MGMT: variants seen among roughly 807,000 people sequenced by gnomAD.
The protein encoded by MGMT is O-6-methylguanine-DNA methyltransferase.
In MGMT, 14 loss-of-function variants were observed where a neutral mutation model predicts 15.9. That is an observed-to-expected ratio of 0.88 (90% CI 0.58 to 1.37). The LOEUF (loss-of-function observed/expected upper bound fraction) is 1.37. Among genes scored for constraint, MGMT ranks in the 40% most tolerant of loss-of-function variants. MGMT has a pLI of 0.00. For missense variants in MGMT, 282 were observed against 268.1 expected, an observed-to-expected ratio of 1.05 and a Z score of -0.36; for synonymous variants, 130 against 118.2, an observed-to-expected ratio of 1.10 and a Z score of -0.65.
chr10:129,695,994 G>A (rs1185631126), intron 2 of MGMT, among the ~76,000 whole-genome samples: 4 of 152,098 alleles, frequency 2.6e-5, no homozygotes, highest in African/African-American at 9.7e-5. Flanking sequence ...TTGTCCTCGC[G>A]GTCTTACGGT....
intron 2 of MGMT, among the ~76,000 whole-genome samples, chr10:129,608,258 G>A (rs1247903561): frequency 1.3e-5 from 2 of 152,222 alleles, no homozygotes; most frequent in South Asian, 2.1e-4. Context: ...AGAAGAATGC[G>A]TAGCCCGGAG....
chr10:129,718,838 G>A (rs1358885295), intron 3 of MGMT, among the ~76,000 whole-genome samples: 1 of 151,952 alleles, frequency 6.6e-6, no homozygotes, highest in African/African-American at 2.4e-5. Flanking sequence ...AGGCTGTCTA[G>A]AGGCAGTCTG....
At chr10:129,482,123 T>C (rs1451685143) in intron 1 of MGMT, among the ~76,000 whole-genome samples, 1 of 152,226 alleles carries the variant, frequency 6.6e-6, no homozygotes, top group Non-Finnish European at 1.5e-5. Context: ...GAGTGGCGTA[T>C]TTCCCAATTT....
intron 2 of MGMT, among the ~76,000 whole-genome samples, chr10:129,609,296 G>A (rs1452625602): frequency 2.0e-5 from 3 of 152,004 alleles, no homozygotes; most frequent in African/African-American, 7.2e-5. Flanking sequence ...GGCCCGATCT[G>A]GAGCCCCTGG....
At chr10:129,644,555 C>T (rs964562306) in intron 2 of MGMT, among the ~76,000 whole-genome samples, 9 of 137,452 alleles carry the variant, frequency 6.5e-5, no homozygotes, top group Non-Finnish European at 3.2e-5. Context: ...TGCTTGGGTT[C>T]CCCCCCTGAG....
chr10:129,741,632 A>G (rs563017320), intron 3 of MGMT, among the ~76,000 whole-genome samples: 27 of 152,204 alleles, frequency 1.8e-4, no homozygotes, highest in African/African-American at 6.3e-4. Flanking sequence ...CCAGCTTACC[A>G]TTACCACTGT....
Position 129,656,478 on chromosome 10 carries a change from G to C in MGMT, c.126-51417G>C, listed in dbSNP as rs373363023. Among the ~76,000 whole-genome samples the C allele has an allele frequency of 6.6e-5, 10 of 152,308 alleles. 1 individual carries two copies. The East Asian group carries it at 1.4e-3, about 21-fold the overall frequency. Reference sequence around the variant, plus strand: ...GGTGTGAACTCCAAATATCTGAGATGGTCTCAGTTAATTTAGAAAGTTTAT... The same window carrying C: ...GGTGTGAACTCCAAATATCTGAGATCGTCTCAGTTAATTTAGAAAGTTTAT... On this transcript the variant is annotated intron_variant, in intron 2 of 4. Coordinates refer to ENST00000651593, the MANE Select transcript of MGMT (RefSeq NM_002412.5).
intron 2 of MGMT, among the ~76,000 whole-genome samples, chr10:129,661,037 A>G (rs937356497): frequency 1.4e-4 from 21 of 152,180 alleles, no homozygotes; most frequent in African/African-American, 4.8e-4. Context: ...TTTCTGTTGT[A>G]AATATACTTC....
chr10:129,646,564 G>C (rs1589912844), intron 2 of MGMT, among the ~76,000 whole-genome samples: 3 of 151,298 alleles, frequency 2.0e-5, no homozygotes, highest in Admixed American at 6.6e-5. Context: ...CACGGTGGCA[G>C]TTAGTACTGG....
intron 3 of MGMT, among the ~76,000 whole-genome samples, chr10:129,745,396 G>A (rs748090616): frequency 9.1e-4 from 138 of 150,934 alleles, no homozygotes; most frequent in Admixed American, 1.8e-3. Context: ...TGGCAGCCAC[G>A]GCCTCTCCCC....
chr10:129,501,459 G>A (rs1158868459), intron 1 of MGMT, among the ~76,000 whole-genome samples: 1 of 152,222 alleles, frequency 6.6e-6, no homozygotes, highest in African/African-American at 2.4e-5. Context: ...GGTGGCTGTA[G>A]AGTTAACTAA....
intron 2 of MGMT, among the ~76,000 whole-genome samples, chr10:129,570,698 GAA>G (rs1187154235): frequency 6.6e-6 from 1 of 152,140 alleles, no homozygotes; most frequent in African/African-American, 2.4e-5. Context: ...AATTTTGACT[GAA>G]AAAAATTGAC....
intron 1 of MGMT, among the ~76,000 whole-genome samples, chr10:129,470,622 C>T (rs900215269): frequency 1.3e-5 from 2 of 152,158 alleles, no homozygotes; most frequent in African/African-American, 2.4e-5. Context: ...CCAAGGTGCT[C>T]GGTCCCGGCA....
intron 2 of MGMT, among the ~76,000 whole-genome samples, chr10:129,677,630 G>A (rs1168050054): frequency 6.6e-6 from 1 of 152,210 alleles, no homozygotes; most frequent in Non-Finnish European, 1.5e-5. Flanking sequence ...TGACAGGCCA[G>A]CTCAACACCT....
intron 1 of MGMT, among the ~76,000 whole-genome samples, chr10:129,502,674 G>A (rs34643875): frequency 0.059 from 9,001 of 152,132 alleles, 379 homozygotes; most frequent in Admixed American, 0.077. Flanking sequence ...GGATGGGGCC[G>A]CCTCCCTTCC....
chr10:129,654,891 A>G (rs1847506581), intron 2 of MGMT, among the ~76,000 whole-genome samples: 1 of 152,146 alleles, frequency 6.6e-6, no homozygotes, highest in African/African-American at 2.4e-5. Flanking sequence ...AATGCCTGAG[A>G]AGAAAACTAT....
chr10:129,474,407 C>G (rs988623278), intron 1 of MGMT, among the ~76,000 whole-genome samples: 1 of 152,086 alleles, frequency 6.6e-6, no homozygotes, highest in Non-Finnish European at 1.5e-5. Context: ...AGGTGGGAGT[C>G]GCAGAGTGTG....
At chr10:129,584,599 T>A (rs1360913974) in intron 2 of MGMT, among the ~76,000 whole-genome samples, 1 of 152,098 alleles carries the variant, frequency 6.6e-6, no homozygotes, top group Non-Finnish European at 1.5e-5. Context: ...TCTTCCCCAC[T>A]GCCCCTGCCA....
intron 2 of MGMT, among the ~76,000 whole-genome samples, chr10:129,680,657 AC>A (rs1203011954): frequency 1.3e-5 from 2 of 152,134 alleles, no homozygotes; most frequent in Admixed American, 1.3e-4. Flanking sequence ...GATCTGAAAC[AC>A]TGGCCCCCGC....
Sources: allele counts gnomAD v4.1 joint callset (sites outside exome capture counted in the v4.1 genomes callset), GRCh38; gene constraint gnomAD v4.1.1; transcripts MANE v1.5; gene names NCBI Gene and HGNC (gene_info 2026-07-23, HGNC 2026-07-21).